The following THSD7A variants were observed in gnomAD, a reference collection of about 807,000 sequenced individuals.
The protein encoded by THSD7A is thrombospondin type 1 domain containing 7A.
Under a neutral mutation model 231.3 loss-of-function variants are expected in THSD7A, and 96 were observed. The observed-to-expected ratio is 0.41, with a 90% confidence interval of 0.35 to 0.49. The LOEUF is 0.49. Ranked by LOEUF, THSD7A falls within the 20% of genes least tolerant of loss-of-function variation. THSD7A has a pLI of 0.05. For missense variants in THSD7A, 2,290 were observed against 2,070.2 expected (o/e 1.11, Z -2.06); for synonymous variants, 940 against 743.3 (o/e 1.26, Z -4.30).
chr7:11,594,085 T>TATA (rs1780270719), intron 2 of THSD7A, among the ~76,000 whole-genome samples: 1 of 152,014 alleles, frequency 6.6e-6, no homozygotes. Flanking sequence ...TATAAAGCAA[T>TATA]CAGAAAAACA....
intron 15 of THSD7A, 23 bp from the exon 16 acceptor site, chr7:11,424,852 C>A: frequency 6.2e-7 from 1 of 1,612,080 alleles, no homozygotes; most frequent in African/African-American, 1.4e-5. Context: ...TGGTTCTCAG[C>A]AATCTCAGGG....
At chr7:11,769,153 A>ATATATATATATTTTTTTTTTTTTTTTTTT in intron 1 of THSD7A, among the ~76,000 whole-genome samples, 1 of 27,648 alleles carries the variant, frequency 3.6e-5, no homozygotes, top group Non-Finnish European at 7.0e-5. Context: ...ATATATATAT[A>ATATATATATATTTTTTTTTTTTTTTTTTT]TTTTTTTTTT....
Position 11,831,639 on chromosome 7 carries a change from T to G in THSD7A, c.190+118A>C. 1 of 626,960 alleles carries G rather than the reference T, an allele frequency of 1.6e-6. No individual in the cohort carries two copies. The allele number at this position is 626,960 out of a possible 1,614,324, so 38.8% of individuals were successfully genotyped here. On this transcript the variant is annotated intron_variant, in intron 1 of 27. Coordinates refer to ENST00000423059, the MANE Select transcript of THSD7A (RefSeq NM_015204.3). The surrounding 1 kb of genome is among the most constrained non-coding windows in gnomAD (Gnocchi z 5.0). Reference sequence around the variant, plus strand: ...TTCCTAAGAAATCATACTTTTTACCTTAGGATACCAGCATAACCAAGCCAT... The same window carrying G: ...TTCCTAAGAAATCATACTTTTTACCGTAGGATACCAGCATAACCAAGCCAT...
At chr7:11,378,502 C>G (rs1449772290) in intron 26 of THSD7A, among the ~76,000 whole-genome samples, 1 of 152,186 alleles carries the variant, frequency 6.6e-6, no homozygotes, top group African/African-American at 2.4e-5. Flanking sequence ...AAATTTGGAT[C>G]ATCCTATCCA....
In THSD7A at chr7:11,379,052, C is replaced by A. The variant is rs1279822115; in HGVS notation, c.4801+18G>T. 2.5e-6 allele frequency: 4 copies of A among 1,611,442 alleles called. No homozygotes were observed. The highest frequency in any genetic ancestry group is 3.4e-6 in the Non-Finnish European group (4 of 1,178,908). ...AGAACTAAAGGTTTCTCTTTCAACA[C>A]TAGTCTAGTCAGTTCACCTGGCCCA... On this transcript the variant is annotated intron_variant, in intron 26 of 27. Coordinates refer to ENST00000423059, the MANE Select transcript of THSD7A (RefSeq NM_015204.3).
chr7:11,611,978 C>T (rs1280648813), intron 2 of THSD7A, among the ~76,000 whole-genome samples: 1 of 152,040 alleles, frequency 6.6e-6, no homozygotes, highest in Admixed American at 6.6e-5. Flanking sequence ...CTGCTACTGG[C>T]CCTCTAGCTT....
rs2040816 is a variant in THSD7A, at chr7:11,574,952, G to C, written c.1453+15508C>G. On this transcript the variant is annotated intron_variant, in intron 4 of 27. Transcript: ENST00000423059. Reference sequence around the variant, plus strand: ...GTATAGCACAGTGGTTAAGATCACTGGTTCTGGAGCCAGACTGATTCACAA... The same window carrying C: ...GTATAGCACAGTGGTTAAGATCACTCGTTCTGGAGCCAGACTGATTCACAA... 2.3e-4 allele frequency among the ~76,000 whole-genome samples: 35 copies of C among 152,064 alleles called. No homozygotes were observed. In the South Asian group the frequency reaches 5.0e-3, roughly 22 times the overall value.
intron 1 of THSD7A, among the ~76,000 whole-genome samples, chr7:11,700,481 CAATT>C (rs567504249): frequency 6.6e-5 from 10 of 150,806 alleles, no homozygotes; most frequent in Non-Finnish European, 1.0e-4. Context: ...CTCATATGAA[CAATT>C]AATAAATATA....
At chr7:11,614,953 A>G (rs773729424) in intron 2 of THSD7A, among the ~76,000 whole-genome samples, 1 of 152,216 alleles carries the variant, frequency 6.6e-6, no homozygotes, top group African/African-American at 2.4e-5. Flanking sequence ...GATGTTATTG[A>G]TATTTGAAAT....
At chr7:11,491,188 T>C (rs528906918) in intron 6 of THSD7A, among the ~76,000 whole-genome samples, 1 of 152,246 alleles carries the variant, frequency 6.6e-6, no homozygotes, top group African/African-American at 2.4e-5. Flanking sequence ...TTTGTTAAAG[T>C]GCTAAGGTTG....
At chr7:11,435,197 C>G (rs1261486389) in intron 13 of THSD7A, among the ~76,000 whole-genome samples, 1 of 151,954 alleles carries the variant, frequency 6.6e-6, no homozygotes, top group Non-Finnish European at 1.5e-5. Context: ...TATCTATGTA[C>G]AAGTTCATTA....
intron 1 of THSD7A, among the ~76,000 whole-genome samples, chr7:11,793,922 C>A (rs1291263220): frequency 1.3e-5 from 2 of 151,622 alleles, no homozygotes; most frequent in African/African-American, 4.8e-5. Context: ...TATGTATTTT[C>A]AATCGGGTAA....
intron 19 of THSD7A, among the ~76,000 whole-genome samples, chr7:11,407,803 A>G (rs552834438): frequency 1.3e-5 from 2 of 152,264 alleles, no homozygotes; most frequent in South Asian, 2.1e-4. Context: ...TTGATCTACA[A>G]CTGTATCTTA....
intron 13 of THSD7A, among the ~76,000 whole-genome samples, chr7:11,445,808 C>T (rs913600486): frequency 6.6e-6 from 1 of 151,968 alleles, no homozygotes; most frequent in East Asian, 1.9e-4. Context: ...GTTTTGCCTA[C>T]CCTTTGCAAG....
chr7:11,750,018 ATTT>A (rs561367892), intron 1 of THSD7A, among the ~76,000 whole-genome samples: 3 of 140,688 alleles, frequency 2.1e-5, no homozygotes, highest in Non-Finnish European at 3.1e-5. Flanking sequence ...AGTGGCCAGA[ATTT>A]TTTTTTTTTT....
At chr7:11,478,323 T>G (rs1786279972) in intron 7 of THSD7A, among the ~76,000 whole-genome samples, 2 of 152,178 alleles carry the variant, frequency 1.3e-5, no homozygotes, top group Admixed American at 6.5e-5. Flanking sequence ...TGACATCCAG[T>G]GTAGAGTCAC....
intron 6 of THSD7A, among the ~76,000 whole-genome samples, chr7:11,495,421 C>T (rs891725828): frequency 6.6e-5 from 10 of 152,038 alleles, no homozygotes; most frequent in African/African-American, 2.4e-4. Context: ...AGCACTTATA[C>T]GTGAATGCTT....
intron 1 of THSD7A, among the ~76,000 whole-genome samples, chr7:11,644,838 C>A (rs534117518): frequency 6.6e-6 from 1 of 152,046 alleles, no homozygotes; most frequent in South Asian, 2.1e-4. Flanking sequence ...CACTACCTGA[C>A]CCATAAGCTA....
intron 13 of THSD7A, among the ~76,000 whole-genome samples, chr7:11,437,325 T>G (rs1297229443): frequency 1.3e-5 from 2 of 152,090 alleles, no homozygotes; most frequent in Non-Finnish European, 2.9e-5. Flanking sequence ...AGGGAGCCTG[T>G]GTGAGCTTAG....
Sources: allele counts gnomAD v4.1 joint callset (sites outside exome capture counted in the v4.1 genomes callset), GRCh38; gene constraint gnomAD v4.1.1; non-coding constraint Gnocchi (gnomAD v3.1); transcripts MANE v1.5; gene names NCBI Gene and HGNC (gene_info 2026-07-23, HGNC 2026-07-21).